ARHGEF18: variants seen among roughly 807,000 people sequenced by gnomAD.
ARHGEF18 encodes the protein Rho/Rac guanine nucleotide exchange factor 18, also known as rho guanine nucleotide exchange factor 18.
A neutral mutation model predicts 155.7 loss-of-function variants in ARHGEF18; 93 were observed. The observed-to-expected ratio is 0.60, with a 90% CI of 0.50 to 0.71. The LOEUF is 0.71. Ranked by LOEUF, ARHGEF18 falls within the 30% of genes least tolerant of loss-of-function variation. ARHGEF18 has a pLI of 0.00. For missense variants in ARHGEF18, 1,593 were observed against 1,816.1 expected, an observed-to-expected ratio of 0.88 and a Z score of 2.23; for synonymous variants, 742 against 753.1, an observed-to-expected ratio of 0.99 and a Z score of 0.24.
chr19:7,356,362 C>CA (rs1969306453), intron 1 of ARHGEF18, among the ~76,000 whole-genome samples: 1 of 151,714 alleles, frequency 6.6e-6, no homozygotes, highest in Non-Finnish European at 1.5e-5. Flanking sequence ...CAAACTCTGC[C>CA]TCCAGGGTTC....
intron 16 of ARHGEF18, among the ~76,000 whole-genome samples, chr19:7,452,017 A>C (rs1239004016): frequency 6.6e-6 from 1 of 151,840 alleles, no homozygotes; most frequent in Non-Finnish European, 1.5e-5. Context: ...CCACCATGCC[A>C]CGCCCAGCCT....
downstream of ARHGEF18, among the ~76,000 whole-genome samples, chr19:7,474,474 G>A (rs930818689): frequency 5.9e-5 from 9 of 152,104 alleles, no homozygotes; most frequent in African/African-American, 2.2e-4. Context: ...CGCCTCCCAG[G>A]TTCAAGTAAT....
intron 27 of ARHGEF18, 27 bp from the exon 28 acceptor site, chr19:7,469,877 C>T (rs1362817533): frequency 1.2e-6 from 2 of 1,609,704 alleles, no homozygotes; most frequent in African/African-American, 1.3e-5. Flanking sequence ...CAGCCTGGAG[C>T]TGGCCCAAAT....
chr19:7,374,408 G>A (rs1020815395), intron 3 of ARHGEF18, among the ~76,000 whole-genome samples: 2 of 152,106 alleles, frequency 1.3e-5, no homozygotes, highest in African/African-American at 4.8e-5. Context: ...CGGGCGCGGT[G>A]GCTCACACCT....
intron 10 of ARHGEF18, among the ~76,000 whole-genome samples, chr19:7,437,635 A>ATTTCTTTTTTT (rs1568333148): frequency 1.4e-5 from 2 of 147,550 alleles, no homozygotes; most frequent in Admixed American, 1.4e-4. Flanking sequence ...GACAGATCAG[A>ATTTCTTTTTTT]TTTCTTTTTT....
chr19:7,473,086 A>G (rs1381076613), downstream of ARHGEF18: 1 of 456,260 alleles, frequency 2.2e-6, no homozygotes, highest in East Asian at 6.9e-5. Context: ...CTTTTAATCC[A>G]CAATAACCGC....
chr19:7,398,789 G>C (rs1186528193), intron 10 of ARHGEF18, among the ~76,000 whole-genome samples: 1 of 152,180 alleles, frequency 6.6e-6, no homozygotes, highest in Non-Finnish European at 1.5e-5. Context: ...CACTTTGAAA[G>C]GGGAAGTAGC....
chr19:7,372,438 C>G (rs10420383), intron 2 of ARHGEF18, among the ~76,000 whole-genome samples: 1 of 147,148 alleles, frequency 6.8e-6, no homozygotes, highest in African/African-American at 2.5e-5. Context: ...AAGGGAAGGA[C>G]AAAGAAATAG....
At chr19:7,429,038 G>A (rs1481281724) in intron 10 of ARHGEF18, among the ~76,000 whole-genome samples, 1 of 152,236 alleles carries the variant, frequency 6.6e-6, no homozygotes, top group Non-Finnish European at 1.5e-5. Context: ...CCGAGGGCAG[G>A]GGCACGCCAT....
Position 7,394,950 on chromosome 19 carries a change from C to T in ARHGEF18, c.967+11747C>T, listed in dbSNP as rs1363179431. ...CCTCGCCGCGAGCACCCTCCCACTT[C>T]GGTGCCCGCGCCCCTCTCAAGGCCG... On this transcript the variant is annotated intron_variant, in intron 10 of 28. Coordinates refer to ENST00000668164, the MANE Select transcript of ARHGEF18 (RefSeq NM_001367823.1). 1.0e-5 allele frequency: 7 copies of T among 674,128 alleles called. No individual in the cohort carries two copies. In the Admixed American group the frequency reaches 2.5e-4, roughly 24 times the overall value. 41.8% of individuals were successfully genotyped at this position (674,128 alleles called of 1,614,324 possible).
rs1600225654 is a variant in ARHGEF18 at position 7,375,858 on chromosome 19, G to A, written c.414G>A (p.Glu138=). ...TCTCTGGGGGCGGGACCCCCGCAGA[G>A]AGCCCAGGCAAGGTGGGTATAACCT... ...GCLSGGGTPA[E]SPGKECDSPK... is the part of the protein sequence containing the mutation. Residue 138 remains glutamate, a synonymous_variant, in exon 4 of 29, where the codon GAG becomes GAA. Coordinates refer to ENST00000668164, the MANE Select transcript of ARHGEF18 (RefSeq NM_001367823.1). 1.6e-6 allele frequency: 2 copies of A among 1,234,464 alleles called. No homozygotes were observed. The highest frequency in any genetic ancestry group is 6.3e-5 in the East Asian group (2 of 31,712). 76.5% of individuals were successfully genotyped at this position (1,234,464 alleles called of 1,614,324 possible). A position where few individuals can be genotyped will look rare whatever the true frequency, so the allele number is the denominator to read the frequency against.
Position 7,429,690 on chromosome 19 carries a change from A to G in ARHGEF18, c.968-10654A>G, listed in dbSNP as rs994245004. ...AGGGTGCAAGAGAAGTCATCATCCC[A>G]CAGACGCCCCCCAAGCTGGGGCTCA... On this transcript the variant is annotated intron_variant, in intron 10 of 28. Transcript: ENST00000668164. 4.6e-5 allele frequency among the ~76,000 whole-genome samples: 7 copies of G among 152,062 alleles called. 1 individual carries two copies. The highest frequency in any genetic ancestry group is 4.6e-4 in the Admixed American group (7 of 15,270).
intron 2 of ARHGEF18, among the ~76,000 whole-genome samples, chr19:7,371,354 G>T (rs1970197624): frequency 6.6e-6 from 1 of 152,146 alleles, no homozygotes; most frequent in Non-Finnish European, 1.5e-5. Flanking sequence ...CAATGGGAAT[G>T]TGCTTAATGA....
chr19:7,375,852 C>G lies in ARHGEF18; in HGVS notation c.408C>G (p.Pro136=). ...TQGCLSGGGT[P]AESPGKECDS... is the part of the protein sequence containing the mutation. ...GGTGTCTCTCTGGGGGCGGGACCCC[C>G]GCAGAGAGCCCAGGCAAGGTGGGTA... is the stretch of plus-strand genomic sequence containing the variant. Residue 136 remains proline (P), a synonymous_variant, in exon 4 of 29, where the codon CCC becomes CCG. Coordinates refer to ENST00000668164, the MANE Select transcript of ARHGEF18 (RefSeq NM_001367823.1). The G allele has an allele frequency of 8.1e-7, 1 of 1,234,418 alleles. No homozygotes were observed. The highest frequency in any genetic ancestry group is 1.0e-6 in the Non-Finnish European group (1 of 988,244). The allele number at this position is 1,234,418 out of a possible 1,614,324, so 76.5% of individuals were successfully genotyped here.
chr19:7,403,300 A>G (rs776472019), intron 10 of ARHGEF18, among the ~76,000 whole-genome samples: 6 of 152,136 alleles, frequency 3.9e-5, no homozygotes, highest in Non-Finnish European at 8.8e-5. Context: ...CTATAATTTC[A>G]GAACATTGTC....
At chr19:7,410,725 G>A (rs557149131) in intron 10 of ARHGEF18, among the ~76,000 whole-genome samples, 69 of 143,378 alleles carry the variant, frequency 4.8e-4, no homozygotes, top group African/African-American at 1.4e-3. Flanking sequence ...CACGAGAATC[G>A]CTTGAACCTG....
intron 27 of ARHGEF18, among the ~76,000 whole-genome samples, chr19:7,469,486 C>T (rs1241633709): frequency 6.6e-6 from 1 of 152,180 alleles, no homozygotes; most frequent in Non-Finnish European, 1.5e-5. Context: ...TGTCCCAGTT[C>T]CACAGAGCCG....
chr19:7,421,725 G>T (rs1489928565), intron 10 of ARHGEF18, among the ~76,000 whole-genome samples: 1 of 152,118 alleles, frequency 6.6e-6, no homozygotes, highest in Non-Finnish European at 1.5e-5. Context: ...TGGTGCCACT[G>T]CACTCCAGAC....
chr19:7,440,471 G>A lies in ARHGEF18; in HGVS notation c.1095G>A (p.Gly365=). The change falls in exon 11 of 29, where the codon GGG becomes GGA. Residue 365 remains glycine (G), a synonymous_variant. Transcript: ENST00000668164. The surrounding 1 kb of genome is among the most constrained non-coding windows in gnomAD (Gnocchi z 5.4). ...CAACACCGAGCCCGGCTGGCCCTGG[G>A]ACGCAACTCGGGTAAGCCAGGGTCC... ...PQPTPSPAGP[G]TQLGPITGEM... 1 of 1,598,150 alleles carries A rather than the reference G, an allele frequency of 6.3e-7. No homozygotes were observed. The highest frequency in any genetic ancestry group is 2.2e-5 in the East Asian group (1 of 44,840).
Sources: allele counts gnomAD v4.1 joint callset (sites outside exome capture counted in the v4.1 genomes callset), GRCh38; gene constraint gnomAD v4.1.1; non-coding constraint Gnocchi (gnomAD v3.1); transcripts MANE v1.5; gene names NCBI Gene and HGNC (gene_info 2026-07-23, HGNC 2026-07-21).